The following ATAD2B variants were observed in gnomAD, a reference collection of about 807,000 sequenced individuals.
ATAD2B encodes the protein ATPase family AAA domain containing 2B.
Under a neutral mutation model 167.6 loss-of-function variants are expected in ATAD2B, and 40 were observed. The ratio of observed to expected loss-of-function variants is 0.24; its 90% CI spans 0.19 to 0.31. ATAD2B has a LOEUF of 0.31. Among genes scored for constraint, ATAD2B ranks in the 10% least tolerant of loss-of-function variants. The pLI, the probability that ATAD2B is intolerant of heterozygous loss-of-function variation, is 1.00. For synonymous variants in ATAD2B, 579 were observed against 596.5 expected (o/e 0.97, Z 0.43); for missense variants, 1,242 against 1,757.2 (o/e 0.71, Z 5.24).
chr2:23,771,873 TG>T (rs1375009402), intron 22 of ATAD2B, among the ~76,000 whole-genome samples: 1 of 152,198 alleles, frequency 6.6e-6, no homozygotes, highest in Non-Finnish European at 1.5e-5. Context: ...GTGTTCTCTC[TG>T]TGCAGCTTTC....
intron 22 of ATAD2B, among the ~76,000 whole-genome samples, chr2:23,774,579 C>T (rs1211781672): frequency 1.3e-5 from 2 of 152,150 alleles, no homozygotes; most frequent in South Asian, 2.1e-4. Flanking sequence ...ATAATTTCTA[C>T]TTAATCTGAG....
chr2:23,709,276 A>C, the ATAD2B span, among the ~76,000 whole-genome samples: 1 of 152,134 alleles, frequency 6.6e-6, no homozygotes, highest in African/African-American at 2.4e-5. Flanking sequence ...TCCCAACCTC[A>C]GGTGATCCAC....
chr2:23,787,194 T>C (rs781311800), intron 20 of ATAD2B, among the ~76,000 whole-genome samples: 7 of 152,214 alleles, frequency 4.6e-5, no homozygotes, highest in South Asian at 4.1e-4. Context: ...GTATTAACTT[T>C]CCTAATTACA....
chr2:23,828,072 G>T (rs1300050779), intron 15 of ATAD2B, among the ~76,000 whole-genome samples: 4 of 144,588 alleles, frequency 2.8e-5, no homozygotes, highest in East Asian at 2.0e-4. Flanking sequence ...TGAAGATTGG[G>T]TTTTTTTTTT....
chr2:23,792,890 G>A (rs908448675), intron 19 of ATAD2B, among the ~76,000 whole-genome samples: 4 of 147,960 alleles, frequency 2.7e-5, no homozygotes, highest in African/African-American at 1.0e-4. Context: ...GTGAACCCGG[G>A]AGGCAGAGCT....
intron 17 of ATAD2B, among the ~76,000 whole-genome samples, chr2:23,815,056 C>CAAAAAAA (rs553479769): frequency 1.3e-5 from 1 of 76,540 alleles, no homozygotes; most frequent in African/African-American, 5.4e-5. Flanking sequence ...AATCCGTCTC[C>CAAAAAAA]AAAAAAAAAA....
the ATAD2B span, among the ~76,000 whole-genome samples, chr2:23,734,691 C>A: frequency 1.5e-4 from 23 of 152,216 alleles, no homozygotes; most frequent in African/African-American, 5.5e-4. Context: ...ATGAGAACAG[C>A]AAGGGGGAAG....
the ATAD2B span, among the ~76,000 whole-genome samples, chr2:23,738,208 G>T: frequency 6.6e-6 from 1 of 152,188 alleles, no homozygotes; most frequent in African/African-American, 2.4e-5. Flanking sequence ...ATGCCACAAA[G>T]ATAGTCCTTG....
the ATAD2B span, among the ~76,000 whole-genome samples, chr2:23,715,313 G>A: frequency 7.9e-5 from 12 of 152,122 alleles, no homozygotes; most frequent in Non-Finnish European, 1.3e-4. Context: ...GGTGGCTCAC[G>A]CCTGTAATCC....
chr2:23,754,273 T>C lies in ATAD2B; in HGVS notation c.4241A>G (p.Asn1414Ser), dbSNP rs750569789. 9 of 1,566,300 alleles carry C rather than the reference T, an allele frequency of 5.7e-6. No homozygotes were observed. Among genetic ancestry groups the C allele is most frequent in the Non-Finnish European group, 5.2e-6 (6 of 1,155,504 alleles). Residue 1414 changes from asparagine (N) to serine (S), a missense_variant, in exon 27 of 28, where the codon AAT (asparagine) becomes AGT (serine). Asn to Ser is a conservative substitution (Grantham distance 46, BLOSUM62 1). Transcript: ENST00000238789. ...LLDLLVDKSN[N>S]LAVDQLERLY... ...TCTCTCAAGCTGATCAACTGCCAGA[T>C]TGTTGCTTTTATCCACCAACAAATC...
chr2:23,863,342 A>G, intron 12 of ATAD2B, 39 bp downstream of exon 12: 1 of 1,533,002 alleles, frequency 6.5e-7, no homozygotes, highest in South Asian at 1.2e-5. Flanking sequence ...AGAACAGAAC[A>G]GAACAGAAAA....
intron 13 of ATAD2B, among the ~76,000 whole-genome samples, chr2:23,840,291 A>T (rs1690671112): frequency 6.6e-6 from 1 of 152,140 alleles, no homozygotes; most frequent in Admixed American, 6.5e-5. Context: ...TTTGATGTCT[A>T]AAAAAACCAA....
chr2:23,801,185 G>A (rs1683437593), intron 18 of ATAD2B, among the ~76,000 whole-genome samples: 1 of 151,872 alleles, frequency 6.6e-6, no homozygotes, highest in South Asian at 2.1e-4. Flanking sequence ...AAAAAGAACA[G>A]AGTTTGAGAA....
intron 19 of ATAD2B, among the ~76,000 whole-genome samples, chr2:23,792,705 GTA>G (rs1467773885): frequency 6.6e-6 from 1 of 151,960 alleles, no homozygotes; most frequent in African/African-American, 2.4e-5. Context: ...GCTCACACCT[GTA>G]ATCCCAACAC....
the ATAD2B span, among the ~76,000 whole-genome samples, chr2:23,717,882 A>G: frequency 2.2e-3 from 336 of 152,358 alleles, 2 homozygotes; most frequent in African/African-American, 7.9e-3. Flanking sequence ...TAACTCAGGG[A>G]GAATTAGCAA....
chr2:23,712,291 T>A, the ATAD2B span, among the ~76,000 whole-genome samples: 1 of 152,222 alleles, frequency 6.6e-6, no homozygotes, highest in Non-Finnish European at 1.5e-5. Flanking sequence ...GTGAATGGGA[T>A]AGACATTCAG....
At chr2:23,879,309 G>GAA (rs57720701) in intron 7 of ATAD2B, among the ~76,000 whole-genome samples, 10 of 142,234 alleles carry the variant, frequency 7.0e-5, no homozygotes, top group Middle Eastern at 3.8e-3. Flanking sequence ...TTCAGCAAAA[G>GAA]AAAAAAAAAA....
At chr2:23,746,774 G>A (rs1674906740), downstream of ATAD2B, among the ~76,000 whole-genome samples, 1 of 152,144 alleles carries the variant, frequency 6.6e-6, no homozygotes, top group African/African-American at 2.4e-5. Flanking sequence ...AGGGAAGCAA[G>A]AAGGAAAAAG....
At chr2:23,886,047 T>C (rs1432571023) in intron 4 of ATAD2B, among the ~76,000 whole-genome samples, 5 of 151,972 alleles carry the variant, frequency 3.3e-5, no homozygotes, top group African/African-American at 1.2e-4. Context: ...TGGGCTCAAG[T>C]GATCCTCCCA....
Sources: gnomAD v4.1 joint callset for allele counts (sites outside exome capture counted in the v4.1 genomes callset) on GRCh38, gnomAD v4.1.1 for gene constraint, MANE v1.5 for transcripts, NCBI Gene and HGNC (gene_info 2026-07-23, HGNC 2026-07-21) for gene names.